Variants in KIAA1328 observed in about 807,000 individuals in gnomAD.
KIAA1328 encodes the protein KIAA1328.
In KIAA1328, 52 loss-of-function variants were observed where a neutral mutation model predicts 68.1. The observed-to-expected ratio is 0.76, with a 90% confidence interval of 0.61 to 0.96. The LOEUF (loss-of-function observed/expected upper bound fraction) is 0.96. Among genes scored for constraint, KIAA1328 ranks in the 40% least tolerant of loss-of-function variants. The pLI is 0.00. For synonymous variants in KIAA1328, 232 were observed against 239.4 expected (o/e 0.97, Z 0.28); for missense variants, 641 against 677.6 (o/e 0.95, Z 0.60).
At chr18:36,892,514 C>G (rs2048724004) in intron 5 of KIAA1328, among the ~76,000 whole-genome samples, 1 of 151,792 alleles carries the variant, frequency 6.6e-6, no homozygotes, top group Admixed American at 6.6e-5. Flanking sequence ...TTTTTGTTTA[C>G]AAATTGAATT....
At chr18:37,148,631 G>T (rs1324559590) in intron 7 of KIAA1328, among the ~76,000 whole-genome samples, 1 of 152,178 alleles carries the variant, frequency 6.6e-6, no homozygotes, top group East Asian at 1.9e-4. Flanking sequence ...GCCAGCATCT[G>T]CTGTTTCTTG....
intron 6 of KIAA1328, among the ~76,000 whole-genome samples, chr18:36,968,321 A>G (rs758008954): frequency 3.3e-5 from 5 of 152,224 alleles, no homozygotes; most frequent in Non-Finnish European, 5.9e-5. Context: ...GGCACAGAGT[A>G]GCAAACTGAA....
chr18:36,953,786 T>G (rs1183811650), intron 5 of KIAA1328, among the ~76,000 whole-genome samples: 2 of 152,164 alleles, frequency 1.3e-5, no homozygotes, highest in South Asian at 4.1e-4. Flanking sequence ...TTCTAATTTT[T>G]CTAGTTGTCC....
intron 9 of KIAA1328, among the ~76,000 whole-genome samples, chr18:37,218,472 A>C (rs2060490965): frequency 6.6e-6 from 1 of 152,236 alleles, no homozygotes; most frequent in Non-Finnish European, 1.5e-5. Context: ...TTCATATGGG[A>C]AACATGGCTG....
intron 7 of KIAA1328, among the ~76,000 whole-genome samples, chr18:37,089,254 A>G (rs2057195529): frequency 6.6e-6 from 1 of 151,778 alleles, no homozygotes; most frequent in South Asian, 2.1e-4. Context: ...TATCTCAAAT[A>G]GTATCTCTTC....
At chr18:36,969,938 T>A (rs2052110981) in intron 6 of KIAA1328, among the ~76,000 whole-genome samples, 1 of 152,066 alleles carries the variant, frequency 6.6e-6, no homozygotes, top group Non-Finnish European at 1.5e-5. Context: ...AAAGAGGGAC[T>A]CCTCCCTAAC....
chr18:37,190,653 C>G (rs1002440944), intron 9 of KIAA1328, among the ~76,000 whole-genome samples: 2 of 152,182 alleles, frequency 1.3e-5, no homozygotes, highest in Admixed American at 1.3e-4. Context: ...CTCTGAGCCT[C>G]TTGTGAGACA....
At position 36,835,177 on chromosome 18, in the gene KIAA1328, G is replaced by A. The variant is rs373928904; in HGVS notation, c.95-57G>A. The A allele has an allele frequency of 4.6e-5, 68 of 1,481,564 alleles. No individual in the cohort carries two copies. In the East Asian group the frequency reaches 7.2e-4, roughly 16 times the overall value. The allele number at this position is 1,481,564 out of a possible 1,614,324, so 91.8% of individuals were successfully genotyped here. A position where few individuals can be genotyped will look rare whatever the true frequency, so the allele number is the denominator to read the frequency against. The stretch of plus-strand genomic sequence containing the variant: ...GGATTCCAAGGAAGGAGTTGATGGG[G>A]GAGGGTTTAAGATAATAAGGTATAA... On this transcript the variant is annotated intron_variant, in intron 2 of 9. Coordinates refer to ENST00000280020, the MANE Select transcript of KIAA1328 (RefSeq NM_020776.3).
Position 37,042,348 on chromosome 18 carries a change from G to A in KIAA1328, c.577-24542G>A, listed in dbSNP as rs1033813515. 2.0e-5 allele frequency among the ~76,000 whole-genome samples: 3 copies of A among 152,162 alleles called. No individual in the cohort carries two copies. The East Asian group carries it at 5.8e-4, about 29-fold the overall frequency. On this transcript the variant is annotated intron_variant, in intron 6 of 9. Transcript: ENST00000280020. ...ATTTCTGTAGACTCAAGTAACTGGT[G>A]TAATTTCTTTCTAACCTAAAAGATT...
At chr18:37,118,718 C>T (rs550222941) in intron 7 of KIAA1328, among the ~76,000 whole-genome samples, 4 of 152,142 alleles carry the variant, frequency 2.6e-5, no homozygotes, top group Non-Finnish European at 5.9e-5. Context: ...TTTGGAACCT[C>T]TAGACCAACA....
At chr18:36,866,524 G>A (rs544474913) in intron 4 of KIAA1328, among the ~76,000 whole-genome samples, 2 of 152,208 alleles carry the variant, frequency 1.3e-5, no homozygotes, top group Non-Finnish European at 2.9e-5. Flanking sequence ...ATCTCTTTGA[G>A]TAAAGACATT....
chr18:37,075,180 A>G (rs1599167954), intron 7 of KIAA1328: 1 of 151,878 alleles, frequency 6.6e-6, no homozygotes, highest in African/African-American at 2.4e-5. Context: ...CCAATATTCA[A>G]CATTCTTAAA....
At chr18:37,057,058 C>T (rs1338596386) in intron 6 of KIAA1328, among the ~76,000 whole-genome samples, 1 of 152,196 alleles carries the variant, frequency 6.6e-6, no homozygotes, top group East Asian at 1.9e-4. Context: ...TGTATATCCC[C>T]CTACATGCTT....
intron 7 of KIAA1328, among the ~76,000 whole-genome samples, chr18:37,152,853 A>G (rs2059067469): frequency 6.6e-6 from 1 of 152,206 alleles, no homozygotes; most frequent in South Asian, 2.1e-4. Context: ...TCCAACAAAG[A>G]GCAGCCTGAA....
chr18:37,053,350 G>T (rs2055779067), intron 6 of KIAA1328, among the ~76,000 whole-genome samples: 1 of 152,126 alleles, frequency 6.6e-6, no homozygotes, highest in Non-Finnish European at 1.5e-5. Context: ...ATGGACTAAA[G>T]ACTTACATGT....
chr18:36,876,928 T>G (rs1406923261), intron 4 of KIAA1328, among the ~76,000 whole-genome samples: 2 of 152,242 alleles, frequency 1.3e-5, no homozygotes, highest in Non-Finnish European at 2.9e-5. Context: ...TTCATTTTGT[T>G]ATTTACCCAG....
intron 6 of KIAA1328, among the ~76,000 whole-genome samples, chr18:37,027,413 A>C (rs554189645): frequency 2.1e-4 from 32 of 152,366 alleles, no homozygotes; most frequent in Non-Finnish European, 4.3e-4. Context: ...TTGCCAAGTC[A>C]ATCCTAAAAC....
chr18:37,016,807 G>C (rs1022342795), intron 6 of KIAA1328, among the ~76,000 whole-genome samples: 9 of 152,102 alleles, frequency 5.9e-5, no homozygotes, highest in African/African-American at 2.2e-4. Context: ...GGTATTGGTT[G>C]TGATGTCACC....
intron 6 of KIAA1328, among the ~76,000 whole-genome samples, chr18:37,000,441 G>A (rs2053546307): frequency 6.6e-6 from 1 of 152,080 alleles, no homozygotes; most frequent in Admixed American, 6.6e-5. Flanking sequence ...CTCAGCATTA[G>A]ATCATCAAGA....
Sources: allele counts gnomAD v4.1 joint callset (sites outside exome capture counted in the v4.1 genomes callset), GRCh38; gene constraint gnomAD v4.1.1; transcripts MANE v1.5; gene names NCBI Gene and HGNC (gene_info 2026-07-23, HGNC 2026-07-21).